POU2AF1: variants seen among roughly 807,000 people sequenced by gnomAD.
POU2AF1 encodes the protein POU domain class 2-associating factor 1.
A neutral mutation model predicts 26.3 loss-of-function variants in POU2AF1; 12 were observed. The observed-to-expected ratio is 0.46, with a 90% CI of 0.29 to 0.74. The LOEUF (loss-of-function observed/expected upper bound fraction) is 0.74. Ranked by LOEUF, POU2AF1 falls within the 30% of genes least tolerant of loss-of-function variation. The pLI, the probability that POU2AF1 is intolerant of heterozygous loss-of-function variation, is 0.09. For synonymous variants in POU2AF1, 175 were observed against 148.0 expected, an observed-to-expected ratio of 1.18 and a Z score of -1.32; for missense variants, 297 against 334.5, an observed-to-expected ratio of 0.89 and a Z score of 0.87.
chr11:111,358,350 A>ACACT (rs1555074302), intron 2 of POU2AF1, among the ~76,000 whole-genome samples: 5,809 of 31,848 alleles, frequency 0.18, 141 homozygotes, highest in East Asian at 0.34. Context: ...ACACTCTCAC[A>ACACT]CTCACACTCT....
chr11:111,355,577 CT>C (rs1279572344), intron 4 of POU2AF1, among the ~76,000 whole-genome samples: 1 of 152,146 alleles, frequency 6.6e-6, no homozygotes, highest in Non-Finnish European at 1.5e-5. Context: ...TAGGGCAGGG[CT>C]TTTCTCAACC....
At chr11:111,360,829 A>G (rs1860992307) in intron 1 of POU2AF1, among the ~76,000 whole-genome samples, 1 of 151,852 alleles carries the variant, frequency 6.6e-6, no homozygotes, top group African/African-American at 2.4e-5. Context: ...CTGTAATCCC[A>G]GTTACTTGGG....
chr11:111,368,106 T>G (rs1591201062), intron 1 of POU2AF1, among the ~76,000 whole-genome samples: 1 of 152,164 alleles, frequency 6.6e-6, no homozygotes, highest in South Asian at 2.1e-4. Context: ...ATCAAATAAT[T>G]GCACAAACAA....
At chr11:111,359,990 G>A (rs374079209) in intron 1 of POU2AF1, 4 of 518,888 alleles carry the variant, frequency 7.7e-6, no homozygotes, top group African/African-American at 5.8e-5. Flanking sequence ...TGTACCCTGG[G>A]GCCAGACAGT....
intron 1 of POU2AF1, among the ~76,000 whole-genome samples, chr11:111,374,600 G>A (rs1861274570): frequency 6.6e-6 from 1 of 152,312 alleles, no homozygotes; most frequent in Non-Finnish European, 1.5e-5. Context: ...GGAGGCTGAG[G>A]CAGGAGAATC....
At chr11:111,368,086 A>G (rs1861138923) in intron 1 of POU2AF1, among the ~76,000 whole-genome samples, 1 of 152,204 alleles carries the variant, frequency 6.6e-6, no homozygotes, top group Non-Finnish European at 1.5e-5. Context: ...AGTGGGGTAC[A>G]CAGACTTTAA....
chr11:111,364,105 T>C, intron 1 of POU2AF1: 1 of 627,104 alleles, frequency 1.6e-6, no homozygotes, highest in Non-Finnish European at 2.0e-6. Flanking sequence ...ACAAAATCTG[T>C]AGGTACAAAA....
intron 1 of POU2AF1, among the ~76,000 whole-genome samples, chr11:111,360,168 G>C (rs1360936231): frequency 2.0e-5 from 3 of 152,332 alleles, no homozygotes; most frequent in East Asian, 3.9e-4. Context: ...TAGACAGCCT[G>C]TGGCCTAGGG....
Position 111,379,060 on chromosome 11 carries a change from C to G in POU2AF1, c.16+102G>C, listed in dbSNP as rs11213863. ...AACCCAGACCCCCTCCCCCCGTGGC[C>G]CCATCACCTCCACCACCAGCTCCCC... On this transcript the variant is annotated intron_variant, in intron 1 of 4. Coordinates refer to ENST00000393067, the MANE Select transcript of POU2AF1 (RefSeq NM_006235.3). The G allele has an allele frequency of 0.6, 874,237 of 1,455,864 alleles. 272,041 individuals carry two copies. The highest frequency in any genetic ancestry group is 0.72 in the Admixed American group (42,344 of 59,146). 90.2% of individuals were successfully genotyped at this position (1,455,864 alleles called of 1,614,324 possible). A position where few individuals can be genotyped will look rare whatever the true frequency, so the allele number is the denominator to read the frequency against.
chr11:111,362,233 G>A (rs150722435), intron 1 of POU2AF1, among the ~76,000 whole-genome samples: 22 of 152,184 alleles, frequency 1.4e-4, no homozygotes, highest in East Asian at 7.7e-4. Flanking sequence ...ATTTGGATAC[G>A]GGCATGCAAT....
chr11:111,359,788 A>G (rs1309120794), intron 1 of POU2AF1, among the ~76,000 whole-genome samples: 1 of 152,158 alleles, frequency 6.6e-6, no homozygotes, highest in African/African-American at 2.4e-5. Context: ...TTATTTCTCT[A>G]TGTCTTCCCA....
chr11:111,358,411 CACACACACGCT>C (rs1860911114), intron 2 of POU2AF1, among the ~76,000 whole-genome samples: 1 of 111,234 alleles, frequency 9.0e-6, no homozygotes, highest in Non-Finnish European at 2.0e-5. Flanking sequence ...CATACTCTCT[CACACACACGCT>C]CACACTCTCA....
intron 1 of POU2AF1, among the ~76,000 whole-genome samples, chr11:111,362,278 AT>A (rs1204302654): frequency 2.0e-5 from 3 of 152,226 alleles, no homozygotes; most frequent in African/African-American, 4.8e-5. Flanking sequence ...TAAAGCACCC[AT>A]CCCCTCAAGC....
chr11:111,376,534 T>C (rs1165779706), intron 1 of POU2AF1, among the ~76,000 whole-genome samples: 3 of 152,208 alleles, frequency 2.0e-5, no homozygotes, highest in Non-Finnish European at 2.9e-5. Flanking sequence ...TTCTGGGCTT[T>C]GTCACTTTAT....
At chr11:111,372,536 C>A (rs1225339039) in intron 1 of POU2AF1, among the ~76,000 whole-genome samples, 1 of 152,176 alleles carries the variant, frequency 6.6e-6, no homozygotes, top group African/African-American at 2.4e-5. Flanking sequence ...CAGGCCAACA[C>A]TTGAGGTCTG....
chr11:111,354,014 A>G lies in POU2AF1; in HGVS notation c.*247T>C. On this transcript the variant is annotated 3_prime_UTR_variant, in exon 5 of 5. Transcript: ENST00000393067. ...AGGAGGGAAGGAAGGGAGGGAGGAA[A>G]AGGAAGGAAGGGGTTGGAAAGGAAG... 3.2e-6 allele frequency: 1 copy of G among 308,082 alleles called. No individual in the cohort carries two copies. Among genetic ancestry groups the G allele is most frequent in the South Asian group, 4.0e-5 (1 of 24,922 alleles). The allele number at this position is 308,082 out of a possible 1,614,324, so 19.1% of individuals were successfully genotyped here.
chr11:111,352,994 G>GA lies in POU2AF1; in HGVS notation c.*1266dup, dbSNP rs1342890106. 1 of 28,966 alleles carries GA rather than the reference G, an allele frequency of 3.5e-5. No homozygotes were observed. The highest frequency in any genetic ancestry group is 3.8e-4 in the Admixed American group (1 of 2,622). 1.8% of individuals were successfully genotyped at this position (28,966 alleles called of 1,614,324 possible). ...GGAAGGAAGGAAGGAAGGAAGGAAA[G>GA]AAGGAAGGAAGGAAGGAAGGAAGGA... On this transcript the variant is annotated 3_prime_UTR_variant, in exon 5 of 5. Transcript: ENST00000393067.
intron 1 of POU2AF1, chr11:111,363,030 G>T: frequency 1.5e-6 from 1 of 679,506 alleles, no homozygotes; most frequent in Non-Finnish European, 1.8e-6. Flanking sequence ...GCCTCCTACT[G>T]TTTCTAAGTC....
At chr11:111,371,389 A>G (rs1194817109) in intron 1 of POU2AF1, among the ~76,000 whole-genome samples, 1 of 152,190 alleles carries the variant, frequency 6.6e-6, no homozygotes, top group Non-Finnish European at 1.5e-5. Context: ...TCTGCTCACA[A>G]CTAGATTACA....
Sources: allele counts gnomAD v4.1 joint callset (sites outside exome capture counted in the v4.1 genomes callset), GRCh38; gene constraint gnomAD v4.1.1; transcripts MANE v1.5; gene names NCBI Gene and HGNC (gene_info 2026-07-23, HGNC 2026-07-21).